The following DLG2 variants were observed in gnomAD, a reference collection of about 807,000 sequenced individuals.
The protein encoded by DLG2 is discs large MAGUK scaffold protein 2, also known as disks large homolog 2.
Under a neutral mutation model 132.5 loss-of-function variants are expected in DLG2, and 45 were observed. The observed-to-expected ratio is 0.34, with a 90% CI of 0.27 to 0.44. The LOEUF (loss-of-function observed/expected upper bound fraction) is 0.44. Among genes scored for constraint, DLG2 ranks in the 20% least tolerant of loss-of-function variants. The probability of loss-of-function intolerance (pLI) is 1.00; values close to 1 mark genes in which losing one functional copy is unlikely to be tolerated. For missense variants in DLG2, 1,045 were observed against 1,196.9 expected, an observed-to-expected ratio of 0.87 and a Z score of 1.87; for synonymous variants, 424 against 419.6, an observed-to-expected ratio of 1.01 and a Z score of -0.13.
chr11:84,224,559 A>G (rs1450122245), intron 8 of DLG2, among the ~76,000 whole-genome samples: 1 of 152,186 alleles, frequency 6.6e-6, no homozygotes, highest in East Asian at 1.9e-4. Context: ...CACTTTTCTC[A>G]ATATTTTATA....
chr11:84,186,924 A>G (rs2154287236), intron 8 of DLG2, among the ~76,000 whole-genome samples: 1 of 152,050 alleles, frequency 6.6e-6, no homozygotes, highest in South Asian at 2.1e-4. Flanking sequence ...ATAATTACTA[A>G]AAATGTCCTT....
chr11:85,507,015 A>G (rs538863704), intron 3 of DLG2, among the ~76,000 whole-genome samples: 28 of 152,252 alleles, frequency 1.8e-4, no homozygotes, highest in African/African-American at 5.3e-4. Flanking sequence ...AGTCTGTTTT[A>G]TCAGACTGGG....
intron 20 of DLG2, among the ~76,000 whole-genome samples, chr11:83,537,837 A>AAG (rs2095933890): frequency 1.1e-5 from 1 of 87,844 alleles, no homozygotes; most frequent in Non-Finnish European, 2.3e-5. Flanking sequence ...AAAAAAAAAG[A>AAG]GAGAGAGAGA....
intron 21 of DLG2, among the ~76,000 whole-genome samples, chr11:83,509,147 G>A (rs140954391): frequency 1.3e-5 from 2 of 152,336 alleles, no homozygotes; most frequent in Non-Finnish European, 2.9e-5. Context: ...GTCCAATCCT[G>A]GTGTCAGACG....
At chr11:85,119,655 A>G (rs1356915294) in intron 5 of DLG2, among the ~76,000 whole-genome samples, 4 of 152,054 alleles carry the variant, frequency 2.6e-5, no homozygotes, top group Non-Finnish European at 5.9e-5. Flanking sequence ...GAAACATAAA[A>G]GACTGTAACT....
At chr11:83,795,330 C>T (rs1204556764) in intron 17 of DLG2, among the ~76,000 whole-genome samples, 1 of 152,000 alleles carries the variant, frequency 6.6e-6, no homozygotes, top group Non-Finnish European at 1.5e-5. Context: ...ATGGCGTGAA[C>T]ATGGGAGGCA....
At chr11:84,443,747 A>T (rs1431259299) in intron 7 of DLG2, among the ~76,000 whole-genome samples, 2 of 151,926 alleles carry the variant, frequency 1.3e-5, no homozygotes, top group African/African-American at 4.8e-5. Flanking sequence ...TATTTTTCTT[A>T]TTGACTTGTG....
At chr11:83,601,889 A>G (rs1481738294) in intron 19 of DLG2, among the ~76,000 whole-genome samples, 1 of 152,100 alleles carries the variant, frequency 6.6e-6, no homozygotes, top group Non-Finnish European at 1.5e-5. Context: ...TGGTTCTCCA[A>G]GTTCTTAGTG....
chr11:83,699,980 C>T (rs891202823), intron 18 of DLG2, among the ~76,000 whole-genome samples: 9 of 150,364 alleles, frequency 6.0e-5, no homozygotes, highest in Non-Finnish European at 1.2e-4. Flanking sequence ...CAGTTTGCTG[C>T]ATTTGCAAAG....
At chr11:83,477,232 A>T (rs2092692072) in intron 22 of DLG2, among the ~76,000 whole-genome samples, 1 of 152,098 alleles carries the variant, frequency 6.6e-6, no homozygotes, top group Non-Finnish European at 1.5e-5. Flanking sequence ...ACCTCCTAAT[A>T]CATGGGTGAC....
intron 6 of DLG2, among the ~76,000 whole-genome samples, chr11:84,970,606 A>G (rs935544275): frequency 2.0e-5 from 3 of 152,016 alleles, no homozygotes; most frequent in Non-Finnish European, 2.9e-5. Flanking sequence ...GAGGTGAAAC[A>G]CCCCTCAAAG....
intron 6 of DLG2, 29 bp downstream of exon 6, chr11:85,111,632 T>C (rs1307220036): frequency 1.3e-6 from 2 of 1,509,768 alleles, no homozygotes; most frequent in East Asian, 2.5e-5. Context: ...TATCCTTCAA[T>C]CTGCTAATCT....
intron 9 of DLG2, among the ~76,000 whole-genome samples, chr11:84,124,003 C>T (rs2094044908): frequency 6.6e-6 from 1 of 152,164 alleles, no homozygotes; most frequent in South Asian, 2.1e-4. Context: ...CGGTTGAGAG[C>T]TATTTTGCAA....
chr11:84,644,131 A>T (rs1240240154), intron 6 of DLG2, among the ~76,000 whole-genome samples: 1 of 152,136 alleles, frequency 6.6e-6, no homozygotes, highest in Non-Finnish European at 1.5e-5. Context: ...GTATATTAAG[A>T]ATCCAGAAAT....
At chr11:83,881,817 T>C (rs1350199657) in intron 15 of DLG2, among the ~76,000 whole-genome samples, 1 of 152,218 alleles carries the variant, frequency 6.6e-6, no homozygotes, top group Non-Finnish European at 1.5e-5. Context: ...ATTGCATTTG[T>C]TTTTATAATT....
chr11:85,103,804 T>C (rs1284543617), intron 6 of DLG2, among the ~76,000 whole-genome samples: 1 of 151,658 alleles, frequency 6.6e-6, no homozygotes, highest in African/African-American at 2.4e-5. Context: ...CAGGAGAAAA[T>C]ATCTGCAGAT....
chr11:85,381,124 G>A (rs957862775), intron 3 of DLG2, among the ~76,000 whole-genome samples: 4 of 152,174 alleles, frequency 2.6e-5, no homozygotes, highest in Admixed American at 6.5e-5. Flanking sequence ...GAGTGCTAGC[G>A]ACTGTAGTCT....
chr11:84,551,342 G>T (rs1425603777), intron 6 of DLG2, among the ~76,000 whole-genome samples: 1 of 152,082 alleles, frequency 6.6e-6, no homozygotes, highest in Non-Finnish European at 1.5e-5. Flanking sequence ...GCAACTTAAT[G>T]TGCAATTGTA....
At chr11:84,488,762 T>G (rs891403919) in intron 7 of DLG2, among the ~76,000 whole-genome samples, 2 of 152,126 alleles carry the variant, frequency 1.3e-5, no homozygotes, top group African/African-American at 4.8e-5. Flanking sequence ...GAAAGATGAC[T>G]GCAGATTTTC....
Sources: allele counts gnomAD v4.1 joint callset (sites outside exome capture counted in the v4.1 genomes callset), GRCh38; gene constraint gnomAD v4.1.1; transcripts MANE v1.5; gene names NCBI Gene and HGNC (gene_info 2026-07-23, HGNC 2026-07-21).